Variants in PTPRT observed in about 807,000 individuals in gnomAD.
PTPRT encodes the protein receptor-type tyrosine-protein phosphatase T.
In PTPRT, 56 loss-of-function variants were observed where a neutral mutation model predicts 176.8. That is an observed-to-expected ratio of 0.32 (90% CI 0.26 to 0.40). The LOEUF (loss-of-function observed/expected upper bound fraction) is 0.40, where lower values mean the gene tolerates loss of function less well. Among genes scored for constraint, PTPRT ranks in the 10% least tolerant of loss-of-function variants. The pLI is 1.00. For missense variants in PTPRT, 1,540 were observed against 1,908.2 expected (o/e 0.81, Z 3.60); for synonymous variants, 783 against 739.0 (o/e 1.06, Z -0.96).
chr20:42,527,621 C>G (rs532856140), intron 7 of PTPRT, among the ~76,000 whole-genome samples: 2 of 152,206 alleles, frequency 1.3e-5, no homozygotes, highest in Non-Finnish European at 2.9e-5. Flanking sequence ...GCAGAAGGGT[C>G]TTTGCTATCT....
intron 7 of PTPRT, among the ~76,000 whole-genome samples, chr20:42,511,952 A>T (rs747663637): frequency 3.9e-5 from 6 of 152,130 alleles, no homozygotes; most frequent in Non-Finnish European, 7.4e-5. Flanking sequence ...ATGAACAAGG[A>T]ACAACATTCC....
In PTPRT at chr20:42,648,148, G is replaced by A. The variant is rs569371245; in HGVS notation, c.1153+29718C>T. Among the ~76,000 whole-genome samples, 8 of 152,250 alleles carry A rather than the reference G, an allele frequency of 5.3e-5. No homozygotes were observed. In the South Asian group the frequency reaches 1.5e-3, roughly 28 times the overall value. On this transcript the variant is annotated intron_variant, in intron 7 of 30. Coordinates refer to ENST00000373187, the MANE Select transcript of PTPRT (RefSeq NM_007050.6). The stretch of plus-strand genomic sequence containing the variant: ...CTAAAGACCCTGGGCCTTGGGGCAT[G>A]CTGTTTAATTTACTGGGTTATTGGC...
chr20:42,427,640 G>T (rs1021719174), intron 9 of PTPRT, among the ~76,000 whole-genome samples: 2 of 152,122 alleles, frequency 1.3e-5, no homozygotes, highest in Admixed American at 6.5e-5. Flanking sequence ...ATCTCCCAAA[G>T]GTCTCACCTC....
rs1853889762 is a variant in PTPRT, at chr20:43,057,055, T to C, written c.88+132591A>G. 2.0e-5 allele frequency among the ~76,000 whole-genome samples: 3 copies of C among 151,978 alleles called. No individual in the cohort carries two copies. The South Asian group carries it at 6.3e-4, about 32-fold the overall frequency. On this transcript the variant is annotated intron_variant, in intron 1 of 30. Coordinates refer to ENST00000373187, the MANE Select transcript of PTPRT (RefSeq NM_007050.6). ...CCTTTCTACTGTCTGATTCTACTTA[T>C]ATAACATTCTTGACATGACAAAATT...
chr20:42,581,873 C>T lies in PTPRT; in HGVS notation c.1153+95993G>A, dbSNP rs1255342787. Among the ~76,000 whole-genome samples, 6 of 152,178 alleles carry T rather than the reference C, an allele frequency of 3.9e-5. 1 individual carries two copies. Among genetic ancestry groups the T allele is most frequent in the Non-Finnish European group, 8.8e-5 (6 of 68,042 alleles). The stretch of plus-strand genomic sequence containing the variant: ...AATTCTTTCTTATCTGGGCTCCTGC[C>T]TAAAGCATTACTGGGCAATTGACAG... On this transcript the variant is annotated intron_variant, in intron 7 of 30. Coordinates refer to ENST00000373187, the MANE Select transcript of PTPRT (RefSeq NM_007050.6).
At chr20:42,406,977 C>A (rs570586368) in intron 9 of PTPRT, among the ~76,000 whole-genome samples, 1 of 152,286 alleles carries the variant, frequency 6.6e-6, no homozygotes, top group South Asian at 2.1e-4. Flanking sequence ...TGGGAATCCA[C>A]CTGCTCATCT....
At chr20:42,900,698 G>A (rs559251217) in intron 1 of PTPRT, among the ~76,000 whole-genome samples, 1 of 152,172 alleles carries the variant, frequency 6.6e-6, no homozygotes, top group Non-Finnish European at 1.5e-5. Flanking sequence ...CTGAGTGTTG[G>A]GAGAAGCTGA....
At chr20:42,694,042 T>TTTC (rs1369063553) in intron 6 of PTPRT, among the ~76,000 whole-genome samples, 2 of 92,218 alleles carry the variant, frequency 2.2e-5, no homozygotes, top group African/African-American at 1.1e-4. Context: ...TTTATTTTCT[T>TTTC]TTTTTTTTTT....
chr20:42,046,669 A>C, the PTPRT span, among the ~76,000 whole-genome samples: 1 of 152,176 alleles, frequency 6.6e-6, no homozygotes, highest in African/African-American at 2.4e-5. Flanking sequence ...TCAATCTTCC[A>C]GTGCAGAGTC....
intron 16 of PTPRT, among the ~76,000 whole-genome samples, chr20:42,184,150 T>C (rs559390793): frequency 6.6e-6 from 1 of 152,284 alleles, no homozygotes; most frequent in African/African-American, 2.4e-5. Flanking sequence ...TCATCCCAGC[T>C]GAGGCTCCCC....
intron 2 of PTPRT, among the ~76,000 whole-genome samples, chr20:42,866,072 C>G (rs2078741166): frequency 6.6e-6 from 1 of 152,230 alleles, no homozygotes; most frequent in Admixed American, 6.5e-5. Context: ...GGCCCCATCC[C>G]AGTGCCACAT....
At chr20:42,916,439 CTT>C (rs1292844847) in intron 1 of PTPRT, among the ~76,000 whole-genome samples, 1 of 152,112 alleles carries the variant, frequency 6.6e-6, no homozygotes, top group Non-Finnish European at 1.5e-5. Flanking sequence ...GTGCATGTGT[CTT>C]TATAGCAGCA....
chr20:42,773,914 T>G (rs1370891637), intron 4 of PTPRT, among the ~76,000 whole-genome samples: 1 of 152,196 alleles, frequency 6.6e-6, no homozygotes, highest in Non-Finnish European at 1.5e-5. Flanking sequence ...CTCTGGGATA[T>G]GCACAATTAG....
intron 2 of PTPRT, among the ~76,000 whole-genome samples, chr20:42,837,036 T>C (rs1312466302): frequency 6.6e-6 from 1 of 152,214 alleles, no homozygotes; most frequent in Non-Finnish European, 1.5e-5. Flanking sequence ...GTTTCCCTAA[T>C]GACAGGCACT....
At chr20:43,043,774 T>C (rs1453080316) in intron 1 of PTPRT, among the ~76,000 whole-genome samples, 1 of 152,132 alleles carries the variant, frequency 6.6e-6, no homozygotes, top group South Asian at 2.1e-4. Flanking sequence ...TAAACTGAGG[T>C]CTGAGGCAAG....
chr20:42,771,589 G>C (rs6030462), intron 4 of PTPRT, 39 bp from the exon 5 acceptor site: 23 of 1,553,210 alleles, frequency 1.5e-5, no homozygotes, highest in East Asian at 2.2e-5. Flanking sequence ...AATGAGATTC[G>C]ACAGCCTGCA....
At chr20:42,298,305 T>G (rs1469487221) in intron 12 of PTPRT, among the ~76,000 whole-genome samples, 4 of 152,214 alleles carry the variant, frequency 2.6e-5, no homozygotes, top group Non-Finnish European at 5.9e-5. Context: ...ATATAATTTC[T>G]TACATGTAAG....
intron 1 of PTPRT, among the ~76,000 whole-genome samples, chr20:42,893,977 A>G (rs775863443): frequency 1.8e-4 from 27 of 151,994 alleles, no homozygotes; most frequent in Non-Finnish European, 2.8e-4. Context: ...AAACCTGCAC[A>G]TTGTGCACAT....
At chr20:42,387,426 T>A (rs2058755282) in intron 9 of PTPRT, among the ~76,000 whole-genome samples, 1 of 152,234 alleles carries the variant, frequency 6.6e-6, no homozygotes, top group South Asian at 2.1e-4. Flanking sequence ...AATTTTTGTT[T>A]AAAGGGGCAG....
Sources: gnomAD v4.1 joint callset for allele counts (sites outside exome capture counted in the v4.1 genomes callset) on GRCh38, gnomAD v4.1.1 for gene constraint, MANE v1.5 for transcripts, NCBI Gene and HGNC (gene_info 2026-07-23, HGNC 2026-07-21) for gene names.